Variants in LUZP2 observed in about 807,000 individuals in gnomAD.
LUZP2 encodes leucine zipper protein 2.
Under a neutral mutation model 51.6 loss-of-function variants are expected in LUZP2, and 52 were observed. That is an observed-to-expected ratio of 1.01 (90% CI 0.81 to 1.27). The LOEUF (loss-of-function observed/expected upper bound fraction) is 1.27, where lower values mean the gene tolerates loss of function less well. Ranked by LOEUF, LUZP2 falls within the 50% of genes most tolerant of loss-of-function variation. The pLI is 0.00. For synonymous variants in LUZP2, 154 were observed against 137.3 expected (o/e 1.12, Z -0.85); for missense variants, 436 against 395.4 (o/e 1.10, Z -0.87).
intron 7 of LUZP2, among the ~76,000 whole-genome samples, chr11:24,976,084 A>C (rs991202352): frequency 6.6e-6 from 1 of 151,850 alleles, no homozygotes. Flanking sequence ...AACACAAATA[A>C]ATATCTCTGT....
intron 1 of LUZP2, among the ~76,000 whole-genome samples, chr11:24,536,065 T>C (rs779860990): frequency 5.9e-5 from 9 of 151,766 alleles, no homozygotes; most frequent in Non-Finnish European, 1.2e-4. Context: ...AAGAAATCTT[T>C]TGTTCTGAGC....
At chr11:24,649,485 C>A (rs1278764017) in intron 1 of LUZP2, among the ~76,000 whole-genome samples, 1 of 151,868 alleles carries the variant, frequency 6.6e-6, no homozygotes, top group Non-Finnish European at 1.5e-5. Context: ...ATGTGTAGGA[C>A]CCCCCAGTGT....
chr11:24,511,402 A>C (rs1850307276), intron 1 of LUZP2, among the ~76,000 whole-genome samples: 1 of 150,084 alleles, frequency 6.7e-6, no homozygotes, highest in African/African-American at 2.5e-5. Context: ...TTTTTTAATT[A>C]ATTAAAAAAT....
intron 9 of LUZP2, among the ~76,000 whole-genome samples, chr11:25,036,650 A>T (rs1596851): frequency 6.6e-6 from 1 of 151,634 alleles, no homozygotes; most frequent in Non-Finnish European, 1.5e-5. Context: ...CATCCCAGAG[A>T]TCTGAGCAAG....
At chr11:24,723,905 A>G (rs1321047867) in intron 1 of LUZP2, among the ~76,000 whole-genome samples, 3 of 152,226 alleles carry the variant, frequency 2.0e-5, no homozygotes, top group Non-Finnish European at 4.4e-5. Flanking sequence ...AAATTTTTAC[A>G]AACTTGATAT....
intron 1 of LUZP2, among the ~76,000 whole-genome samples, chr11:24,554,973 G>T (rs1307208743): frequency 3.3e-5 from 5 of 152,046 alleles, no homozygotes; most frequent in African/African-American, 9.7e-5. Flanking sequence ...GTGTCTTGAG[G>T]CATGAAGGCA....
intron 5 of LUZP2, among the ~76,000 whole-genome samples, chr11:24,875,706 T>G (rs577311007): frequency 1.1e-4 from 17 of 151,874 alleles, no homozygotes; most frequent in Non-Finnish European, 1.6e-4. Context: ...TGAACTAGTT[T>G]ACAGTCCCAC....
chr11:24,789,414 C>G (rs1849343077), intron 5 of LUZP2, among the ~76,000 whole-genome samples: 4 of 152,126 alleles, frequency 2.6e-5, no homozygotes, highest in Admixed American at 1.3e-4. Flanking sequence ...TGGATTACCT[C>G]TTATAGTTTC....
chr11:24,717,594 T>G (rs181430699), intron 1 of LUZP2, among the ~76,000 whole-genome samples: 1,524 of 151,628 alleles, frequency 0.01, 11 homozygotes, highest in Non-Finnish European at 0.017. Flanking sequence ...TTTTTTTTTT[T>G]TTAGTAGAGA....
rs543569589 is a variant in LUZP2, at chr11:24,983,231, C to T, written c.703C>T (p.Arg235Trp). 23 of 1,612,228 alleles carry T rather than the reference C, an allele frequency of 1.4e-5. No individual in the cohort carries two copies. The highest frequency in any genetic ancestry group is 1.7e-4 in the Middle Eastern group (1 of 6,046). ...PLSLITSNPT[R>W]MLLPPRNIAS... Reference sequence around the variant, plus strand: ...GAGTTTAATCACATCAAATCCAACTCGGATGTTACTCCCACCCAGGAATAT... The same window carrying T: ...GAGTTTAATCACATCAAATCCAACTTGGATGTTACTCCCACCCAGGAATAT... The change falls in exon 9 of 12, where the codon CGG becomes TGG. Residue 235 changes from arginine to tryptophan, a missense_variant. Coordinates refer to ENST00000336930, the MANE Select transcript of LUZP2 (RefSeq NM_001009909.4).
chr11:25,040,343 A>ATGTTTTTTTTTTTTTT (rs1858011664), intron 9 of LUZP2, among the ~76,000 whole-genome samples: 1 of 98,824 alleles, frequency 1.0e-5, no homozygotes, highest in Non-Finnish European at 1.8e-5. Flanking sequence ...TTTCTTTCCG[A>ATGTTTTTTTTTTTTTT]TTTTTTTTTT....
At position 24,763,236 on chromosome 11, in the gene LUZP2, T is replaced by TTTGTAGA. The variant is rs1860049764; in HGVS notation, c.334-10_334-9insTTGTAGA. 7.7e-7 allele frequency: 1 copy of TTTGTAGA among 1,295,780 alleles called. No individual in the cohort carries two copies. The highest frequency in any genetic ancestry group is 2.5e-5 in the Admixed American group (1 of 40,178). The allele number at this position is 1,295,780 out of a possible 1,614,324, so 80.3% of individuals were successfully genotyped here. ...GGAATGTGTCTACATAATAGTCTAT[T>TTTGTAGA]CATTTTCAGATTAATTTTTTAAAGA... is the stretch of plus-strand genomic sequence containing the variant. On this transcript the variant is annotated splice_polypyrimidine_tract_variant and intron_variant, in intron 4 of 11. Transcript: ENST00000336930.
At chr11:24,738,433 C>A in intron 4 of LUZP2, 131 bp downstream of exon 4, 1 of 654,770 alleles carries the variant, frequency 1.5e-6, no homozygotes, top group South Asian at 2.0e-5. Context: ...AAGCATCAGT[C>A]AATGTGAACA....
At chr11:24,662,523 C>T (rs972266851) in intron 1 of LUZP2, among the ~76,000 whole-genome samples, 11 of 151,842 alleles carry the variant, frequency 7.2e-5, no homozygotes, top group Non-Finnish European at 1.2e-4. Context: ...ATATTGAAAT[C>T]GAAACATCAT....
chr11:24,891,273 G>A, intron 5 of LUZP2: 3 of 983,692 alleles, frequency 3.0e-6, no homozygotes, highest in Non-Finnish European at 3.6e-6. Context: ...AATATCATTA[G>A]TCATAGCAAT....
intron 9 of LUZP2, among the ~76,000 whole-genome samples, chr11:25,022,475 G>A (rs770933255): frequency 2.0e-5 from 3 of 151,810 alleles, no homozygotes; most frequent in Non-Finnish European, 4.4e-5. Context: ...ACTTAAATAG[G>A]GAATGCAATT....
chr11:25,064,659 G>T (rs1007267770), intron 10 of LUZP2, among the ~76,000 whole-genome samples: 11 of 151,858 alleles, frequency 7.2e-5, no homozygotes, highest in African/African-American at 2.2e-4. Context: ...AATAGCCTAA[G>T]ATTGTGGCTG....
At chr11:24,581,748 T>C (rs1852864755) in intron 1 of LUZP2, among the ~76,000 whole-genome samples, 1 of 151,240 alleles carries the variant, frequency 6.6e-6, no homozygotes, top group African/African-American at 2.4e-5. Flanking sequence ...CTAACCTTCA[T>C]TGAGGATTTA....
At chr11:24,689,391 A>C (rs1393521412) in intron 1 of LUZP2, among the ~76,000 whole-genome samples, 1 of 152,152 alleles carries the variant, frequency 6.6e-6, no homozygotes, top group Non-Finnish European at 1.5e-5. Context: ...GAAGGGTCCT[A>C]TACCCATTAA....
Sources: allele counts gnomAD v4.1 joint callset (sites outside exome capture counted in the v4.1 genomes callset), GRCh38; gene constraint gnomAD v4.1.1; transcripts MANE v1.5; gene names NCBI Gene and HGNC (gene_info 2026-07-23, HGNC 2026-07-21).